Variants in CD9 observed in about 807,000 individuals in gnomAD.
CD9 encodes CD9 molecule, also known as CD9 antigen.
Under a neutral mutation model 31.4 loss-of-function variants are expected in CD9, and 10 were observed. That is an observed-to-expected ratio of 0.32 (90% CI 0.20 to 0.54). CD9 has a LOEUF of 0.54. Ranked by LOEUF, CD9 falls within the 20% of genes least tolerant of loss-of-function variation. CD9 has a pLI of 0.94. For missense variants in CD9, 259 were observed against 300.1 expected (o/e 0.86, Z 1.01); for synonymous variants, 113 against 114.1 (o/e 0.99, Z 0.06).
intron 1 of CD9, among the ~76,000 whole-genome samples, chr12:6,202,809 CTT>C (rs912488524): frequency 5.3e-5 from 8 of 152,368 alleles, no homozygotes; most frequent in Admixed American, 5.2e-4. Flanking sequence ...GTCCAGCTCT[CTT>C]ATTCATAGTG....
intron 6 of CD9, chr12:6,235,787 G>C: frequency 1.4e-6 from 2 of 1,389,222 alleles, no homozygotes; most frequent in Non-Finnish European, 1.9e-6. Context: ...TTCTGGCACC[G>C]CCCACTGCTG....
In CD9 at chr12:6,232,168, G is replaced by C. The variant is rs1032093147; in HGVS notation, c.176-464G>C. The C allele has an allele frequency of 5.2e-5, 10 of 192,582 alleles. No individual in the cohort carries two copies. The highest frequency in any genetic ancestry group is 1.1e-4 in the Non-Finnish European group (10 of 91,662). 11.9% of individuals were successfully genotyped at this position (192,582 alleles called of 1,614,324 possible). A position where few individuals can be genotyped will look rare whatever the true frequency, so the allele number is the denominator to read the frequency against. On this transcript the variant is annotated intron_variant, in intron 2 of 7. Coordinates refer to ENST00000009180, the MANE Select transcript of CD9 (RefSeq NM_001769.4). This position sits in a 1 kb window ranked among gnomAD's most constrained non-coding sequence, Gnocchi z 4.8. ...GGTAGGGGGGTGCCTAGGTGTGCAC[G>C]GCCCCTTCCTGCTGGAAATCTGCTC...
At chr12:6,221,334 T>TCCTGCATC (rs1299067880) in intron 1 of CD9, among the ~76,000 whole-genome samples, 1 of 152,170 alleles carries the variant, frequency 6.6e-6, no homozygotes, top group Non-Finnish European at 1.5e-5. Context: ...ATGGGCTCTC[T>TCCTGCATC]CCTGCATCCC....
chr12:6,211,726 A>C (rs1436653728), intron 1 of CD9, among the ~76,000 whole-genome samples: 1 of 152,240 alleles, frequency 6.6e-6, no homozygotes, highest in Non-Finnish European at 1.5e-5. Flanking sequence ...CCCCCACATC[A>C]GATGATTTTG....
In CD9 at chr12:6,210,204, C is replaced by T. The variant is rs866453387; in HGVS notation, c.66+9639C>T. On this transcript the variant is annotated intron_variant, in intron 1 of 7. Coordinates refer to ENST00000009180, the MANE Select transcript of CD9 (RefSeq NM_001769.4). The stretch of plus-strand genomic sequence containing the variant: ...CTGGGGAAGGGCAGAGGCTCCGGGT[C>T]CCACTCTGGGGCTGTTTTCACGGGG... Among the ~76,000 whole-genome samples, 13 of 152,268 alleles carry T rather than the reference C, an allele frequency of 8.5e-5. 1 individual carries two copies. The highest frequency in any genetic ancestry group is 6.8e-3 in the Middle Eastern group (2 of 294).
chr12:6,212,636 A>G (rs1946204520), intron 1 of CD9, among the ~76,000 whole-genome samples: 2 of 152,246 alleles, frequency 1.3e-5, no homozygotes, highest in Non-Finnish European at 2.9e-5. Flanking sequence ...TTAGGGCACC[A>G]ACAATGCAGG....
At position 6,216,275 on chromosome 12, in the gene CD9, T is replaced by G; in HGVS notation, c.67-9151T>G. On this transcript the variant is annotated intron_variant, in intron 1 of 7. Transcript: ENST00000009180. ...CCACTTCTGTGGCTTTCTTAAAGCGTGACTGGTATTTTGGGGCCTGGAAAA... is the reference window on the plus strand; with the variant it reads ...CCACTTCTGTGGCTTTCTTAAAGCGGGACTGGTATTTTGGGGCCTGGAAAA... 1.3e-5 allele frequency among the ~76,000 whole-genome samples: 2 copies of G among 152,214 alleles called. 1 individual carries two copies. Among genetic ancestry groups the G allele is most frequent in the South Asian group, 4.1e-4 (2 of 4,826 alleles).
chr12:6,200,392 C>G (rs1206021388), upstream of CD9: 1 of 701,088 alleles, frequency 1.4e-6, no homozygotes, highest in Admixed American at 2.1e-5. Context: ...AGCCGGAGAC[C>G]AGCCTACAGC....
chr12:6,215,856 G>A (rs879918766), intron 1 of CD9, among the ~76,000 whole-genome samples: 8 of 152,240 alleles, frequency 5.3e-5, no homozygotes, highest in Non-Finnish European at 1.0e-4. Context: ...AGAGCAAGTC[G>A]TGGCAATTTC....
intron 1 of CD9, among the ~76,000 whole-genome samples, chr12:6,211,259 A>G (rs988290723): frequency 6.6e-6 from 1 of 152,252 alleles, no homozygotes; most frequent in Non-Finnish European, 1.5e-5. Context: ...GGGGTTGTGG[A>G]ACATAGATAG....
intron 6 of CD9, 31 bp downstream of exon 6, chr12:6,235,596 G>A (rs371836430): frequency 1.6e-5 from 26 of 1,586,272 alleles, no homozygotes; most frequent in Non-Finnish European, 2.2e-5. Context: ...TGGTGTCCCT[G>A]CCCCCATTGC....
chr12:6,200,484 TAA>T lies in CD9; in HGVS notation c.-15_-14del, dbSNP rs748239084. ...AGTCCCGCACCCGTTCGGCCCAGGC[TAA>T]GTTAGCCCTCACCATGCCGGTCAAA... On this transcript the variant is annotated 5_prime_UTR_variant, in exon 1 of 8. Coordinates refer to ENST00000009180, the MANE Select transcript of CD9 (RefSeq NM_001769.4). 42 of 1,602,620 alleles carry T rather than the reference TAA, an allele frequency of 2.6e-5. No individual in the cohort carries two copies. Among genetic ancestry groups the T allele is most frequent in the Non-Finnish European group, 3.4e-5 (40 of 1,170,412 alleles).
chr12:6,218,830 C>G (rs1458984244), intron 1 of CD9, among the ~76,000 whole-genome samples: 2 of 151,926 alleles, frequency 1.3e-5, no homozygotes, highest in African/African-American at 4.8e-5. Context: ...TCATTGTGGG[C>G]CTGAGTTTGG....
chr12:6,217,217 G>T (rs1946252099), intron 1 of CD9, among the ~76,000 whole-genome samples: 1 of 152,102 alleles, frequency 6.6e-6, no homozygotes, highest in Admixed American at 6.5e-5. Flanking sequence ...TGAGGCAGGT[G>T]CATGTTTAGA....
chr12:6,237,700 C>G, intron 7 of CD9, 63 bp from the exon 8 acceptor site: 6 of 1,287,758 alleles, frequency 4.7e-6, no homozygotes, highest in South Asian at 1.2e-5. Flanking sequence ...ATGTCTCTCC[C>G]TTTCCCTCAG....
intron 1 of CD9, among the ~76,000 whole-genome samples, chr12:6,220,192 A>AATGG (rs1946279806): frequency 6.6e-6 from 1 of 152,088 alleles, no homozygotes; most frequent in Admixed American, 6.6e-5. Flanking sequence ...AATGGGAGGA[A>AATGG]ATGGGTGGGG....
chr12:6,210,970 G>A (rs1946188026), intron 1 of CD9, among the ~76,000 whole-genome samples: 6 of 151,812 alleles, frequency 4.0e-5, no homozygotes, highest in Admixed American at 3.9e-4. Context: ...CCAAGTAGCT[G>A]GGATTACAGG....
intron 1 of CD9, among the ~76,000 whole-genome samples, chr12:6,209,655 T>A (rs1376956125): frequency 1.3e-5 from 2 of 151,336 alleles, no homozygotes; most frequent in Non-Finnish European, 2.9e-5. Context: ...GACACAACCC[T>A]TTAGAGACCC....
At chr12:6,214,368 T>TTTTTTA (rs35230044) in intron 1 of CD9, among the ~76,000 whole-genome samples, 1 of 143,608 alleles carries the variant, frequency 7.0e-6, no homozygotes, top group African/African-American at 2.6e-5. Flanking sequence ...TTTTTTTTTT[T>TTTTTTA]GAGATGGGGT....
Sources: allele counts gnomAD v4.1 joint callset (sites outside exome capture counted in the v4.1 genomes callset), GRCh38; gene constraint gnomAD v4.1.1; non-coding constraint Gnocchi (gnomAD v3.1); transcripts MANE v1.5; gene names NCBI Gene and HGNC (gene_info 2026-07-23, HGNC 2026-07-21).